Variants in TNIK observed in about 807,000 individuals in gnomAD.
TNIK encodes the protein TRAF2 and NCK-interacting protein kinase.
Under a neutral mutation model 191.3 loss-of-function variants are expected in TNIK, and 49 were observed. That is an observed-to-expected ratio of 0.26 (90% CI 0.20 to 0.32). TNIK has a LOEUF of 0.32. Among genes scored for constraint, TNIK ranks in the 10% least tolerant of loss-of-function variants. The pLI, the probability that TNIK is intolerant of heterozygous loss-of-function variation, is 1.00. For missense variants in TNIK, 1,155 were observed against 1,702.3 expected, an observed-to-expected ratio of 0.68 and a Z score of 5.66; for synonymous variants, 594 against 600.9, an observed-to-expected ratio of 0.99 and a Z score of 0.17.
At chr3:171,392,054 G>A (rs1488602430) in intron 1 of TNIK, among the ~76,000 whole-genome samples, 1 of 152,036 alleles carries the variant, frequency 6.6e-6, no homozygotes, top group African/African-American at 2.4e-5. Flanking sequence ...CTCTATAATT[G>A]CTGAAGAATA....
At chr3:171,153,043 T>G (rs1231949304) in intron 12 of TNIK, among the ~76,000 whole-genome samples, 1 of 152,176 alleles carries the variant, frequency 6.6e-6, no homozygotes, top group Non-Finnish European at 1.5e-5. Context: ...AATGCTGGGA[T>G]TACAGTGGGC....
chr3:171,058,533 T>A lies in TNIK; in HGVS notation c.*5348A>T, dbSNP rs980990474. On this transcript the variant is annotated 3_prime_UTR_variant, in exon 33 of 33. Coordinates refer to ENST00000436636, the MANE Select transcript of TNIK (RefSeq NM_015028.4). ...TTTTAATGACTGCTTAGAATAACTG[T>A]AGAAAGTACTTTCTCAATGATTTTT... 6.6e-6 allele frequency among the ~76,000 whole-genome samples: 1 copy of A among 152,196 alleles called. No homozygotes were observed. Among genetic ancestry groups the A allele is most frequent in the Non-Finnish European group, 1.5e-5 (1 of 68,028 alleles).
chr3:171,265,540 A>C (rs189556363), intron 2 of TNIK, among the ~76,000 whole-genome samples: 1 of 152,246 alleles, frequency 6.6e-6, no homozygotes, highest in Non-Finnish European at 1.5e-5. Flanking sequence ...AAACTGGTGA[A>C]AAACAAAACT....
At chr3:171,083,919 A>T (rs1721007401) in intron 26 of TNIK, among the ~76,000 whole-genome samples, 6 of 152,132 alleles carry the variant, frequency 3.9e-5, no homozygotes, top group Admixed American at 3.9e-4. Context: ...CTATTGTGTG[A>T]CAAGGTTGCT....
intron 11 of TNIK, among the ~76,000 whole-genome samples, chr3:171,158,767 T>A (rs1733566845): frequency 6.6e-6 from 1 of 152,178 alleles, no homozygotes; most frequent in Non-Finnish European, 1.5e-5. Context: ...AAATTGTAAT[T>A]GTTTCAGTGA....
rs193103250 is a variant in TNIK, at chr3:171,210,711, C to A, written c.306+405G>T. On this transcript the variant is annotated intron_variant, in intron 4 of 32. Transcript: ENST00000436636. ...CTTTGGAACAGTTTATTCATTTTTTCTGTAAACCTTAGTTGCATCATTCAA... is the reference window on the plus strand; with the variant it reads ...CTTTGGAACAGTTTATTCATTTTTTATGTAAACCTTAGTTGCATCATTCAA... Among the ~76,000 whole-genome samples the A allele has an allele frequency of 4.7e-3, 709 of 152,218 alleles. 10 individuals carry two copies. Among genetic ancestry groups the A allele is most frequent in the Non-Finnish European group, 2.7e-3 (184 of 68,004 alleles).
intron 8 of TNIK, among the ~76,000 whole-genome samples, chr3:171,175,758 C>G (rs1735880443): frequency 1.3e-5 from 2 of 152,220 alleles, no homozygotes; most frequent in South Asian, 4.1e-4. Flanking sequence ...CTATTTCTTA[C>G]ACGTCGACAG....
chr3:171,145,070 G>A (rs1731351167), intron 12 of TNIK, among the ~76,000 whole-genome samples: 1 of 148,314 alleles, frequency 6.7e-6, no homozygotes, highest in African/African-American at 2.5e-5. Flanking sequence ...ATAAACAAAG[G>A]AGCACAGCTA....
chr3:171,412,065 C>T (rs970257180), intron 1 of TNIK, among the ~76,000 whole-genome samples: 1 of 152,190 alleles, frequency 6.6e-6, no homozygotes, highest in Non-Finnish European at 1.5e-5. Context: ...TTCAAACCAT[C>T]CTACTTGAGT....
At chr3:171,141,700 T>C (rs1024888345) in intron 12 of TNIK, among the ~76,000 whole-genome samples, 1 of 152,232 alleles carries the variant, frequency 6.6e-6, no homozygotes, top group Non-Finnish European at 1.5e-5. Flanking sequence ...ACCAAGTCTT[T>C]TCCCATACAT....
At chr3:171,427,743 ACC>A (rs1724830760) in intron 1 of TNIK, among the ~76,000 whole-genome samples, 1 of 152,196 alleles carries the variant, frequency 6.6e-6, no homozygotes. Flanking sequence ...AAGATGGCTC[ACC>A]CTTGTGAAGT....
At chr3:171,403,269 A>C (rs773211022) in intron 1 of TNIK, among the ~76,000 whole-genome samples, 1 of 152,148 alleles carries the variant, frequency 6.6e-6, no homozygotes, top group Non-Finnish European at 1.5e-5. Flanking sequence ...GTAGAACTAC[A>C]CTAGTGATGA....
intron 30 of TNIK, 64 bp downstream of exon 30, chr3:171,068,784 A>T: frequency 6.7e-7 from 1 of 1,490,130 alleles, no homozygotes; most frequent in Non-Finnish European, 8.9e-7. Flanking sequence ...ATGCAAAACA[A>T]ATCTCTTTCT....
chr3:171,085,585 GA>G (rs1408612226), intron 24 of TNIK, among the ~76,000 whole-genome samples: 1 of 152,158 alleles, frequency 6.6e-6, no homozygotes, highest in Non-Finnish European at 1.5e-5. Flanking sequence ...TGATCAATAT[GA>G]AAAGCTGACA....
chr3:171,459,995 C>A lies in TNIK; in HGVS notation c.57+12G>T, dbSNP rs754390477. 2.6e-6 allele frequency: 4 copies of A among 1,545,790 alleles called. No homozygotes were observed. Among genetic ancestry groups the A allele is most frequent in the Non-Finnish European group, 3.5e-6 (4 of 1,138,478 alleles). On this transcript the variant is annotated intron_variant, in intron 1 of 32. Coordinates refer to ENST00000436636, the MANE Select transcript of TNIK (RefSeq NM_015028.4). The stretch of plus-strand genomic sequence containing the variant: ...AAACCACTGGAAAGAAACCAGAAAA[C>A]GTCCTGCTCACCCTCAGAGCCGAGA...
At chr3:171,335,027 C>CAA (rs371457413) in intron 2 of TNIK, among the ~76,000 whole-genome samples, 173 of 114,598 alleles carry the variant, frequency 1.5e-3, no homozygotes, top group Middle Eastern at 4.7e-3. Flanking sequence ...CCCCAACTGC[C>CAA]AAAAAAAAAA....
intron 2 of TNIK, among the ~76,000 whole-genome samples, chr3:171,296,319 C>G (rs930204685): frequency 1.4e-4 from 22 of 152,138 alleles, no homozygotes; most frequent in African/African-American, 5.3e-4. Flanking sequence ...CCATAAAATG[C>G]TACTCTAGTA....
At chr3:171,196,178 T>C (rs1463108385) in intron 4 of TNIK, among the ~76,000 whole-genome samples, 1 of 152,102 alleles carries the variant, frequency 6.6e-6, no homozygotes, top group African/African-American at 2.4e-5. Context: ...GGTAGTTGAA[T>C]AATAAAAGAG....
intron 1 of TNIK, among the ~76,000 whole-genome samples, chr3:171,392,284 G>A (rs982553320): frequency 6.6e-6 from 1 of 152,128 alleles, no homozygotes; most frequent in Non-Finnish European, 1.5e-5. Context: ...CTTGAAAACT[G>A]TATATTGAAA....
Sources: allele counts gnomAD v4.1 joint callset (sites outside exome capture counted in the v4.1 genomes callset), GRCh38; gene constraint gnomAD v4.1.1; transcripts MANE v1.5; gene names NCBI Gene and HGNC (gene_info 2026-07-23, HGNC 2026-07-21).